The following DRC5 variants were observed in gnomAD, a reference collection of about 807,000 sequenced individuals.
The protein encoded by DRC5 is T-complex-associated testis-expressed protein 1.
chr6:44,289,008 A>AAG, the DRC5 span, among the ~76,000 whole-genome samples: 5 of 143,418 alleles, frequency 3.5e-5, no homozygotes, highest in East Asian at 8.0e-4. Context: ...AAAAAAAAAA[A>AAG]AAAAAAAAAA....
the DRC5 span, among the ~76,000 whole-genome samples, chr6:44,292,458 C>T: frequency 6.6e-6 from 1 of 152,200 alleles, no homozygotes; most frequent in African/African-American, 2.4e-5. Flanking sequence ...CCTGACTGCC[C>T]ACCCGTTCCC....
At chr6:44,280,442 G>T in the DRC5 span, 1 of 1,365,606 alleles carries the variant, frequency 7.3e-7, no homozygotes, top group South Asian at 1.2e-5. Context: ...CCCAGGATCT[G>T]ACACACATAC....
the DRC5 span, chr6:44,282,255 T>C: frequency 1.2e-6 from 2 of 1,614,162 alleles, no homozygotes; most frequent in Non-Finnish European, 1.7e-6. Flanking sequence ...CTGCAAGGCA[T>C]GGGCAAGAGC....
chr6:44,296,767 C>T, the DRC5 span, among the ~76,000 whole-genome samples: 2 of 152,248 alleles, frequency 1.3e-5, no homozygotes. Context: ...CAGCCGCTCC[C>T]ACCCCAGATC....
chr6:44,281,532 A>C, the DRC5 span, among the ~76,000 whole-genome samples: 1 of 152,156 alleles, frequency 6.6e-6, no homozygotes, highest in Non-Finnish European at 1.5e-5. Flanking sequence ...TTACAGGTGC[A>C]TGCCACCACA....
At chr6:44,288,496 G>GT in the DRC5 span, among the ~76,000 whole-genome samples, 1 of 151,888 alleles carries the variant, frequency 6.6e-6, no homozygotes, top group Admixed American at 6.6e-5. Context: ...GAGGGTGAGG[G>GT]GTGTATATTG....
chr6:44,289,974 G>A, the DRC5 span, among the ~76,000 whole-genome samples: 6 of 152,188 alleles, frequency 3.9e-5, no homozygotes, highest in Non-Finnish European at 8.8e-5. Flanking sequence ...GGGACCAGAT[G>A]GTGCTTCCCA....
chr6:44,293,695 G>A, the DRC5 span, among the ~76,000 whole-genome samples: 37 of 152,154 alleles, frequency 2.4e-4, no homozygotes, highest in African/African-American at 8.7e-4. Flanking sequence ...CACTAGGCAA[G>A]AAGAAAGCAT....
At chr6:44,287,707 G>C in the DRC5 span, 1 of 1,614,236 alleles carries the variant, frequency 6.2e-7, no homozygotes, top group African/African-American at 1.3e-5. Context: ...TGTGATTGAA[G>C]GCTTTGAGAG....
chr6:44,278,804 AAAATT>A, the DRC5 span: 1 of 152,180 alleles, frequency 6.6e-6, no homozygotes, highest in Non-Finnish European at 1.5e-5. Flanking sequence ...ATTAATCTCT[AAAATT>A]AAACTTTACA....
the DRC5 span, chr6:44,287,211 G>C: frequency 2.0e-6 from 2 of 985,308 alleles, no homozygotes; most frequent in South Asian, 9.4e-5. Context: ...GACTCCATCA[G>C]AGTAGAGGGC....
the DRC5 span, among the ~76,000 whole-genome samples, chr6:44,294,573 C>A: frequency 6.6e-6 from 1 of 151,094 alleles, no homozygotes; most frequent in South Asian, 2.1e-4. Flanking sequence ...GGTGAAACCC[C>A]GTCTCTACTA....
the DRC5 span, among the ~76,000 whole-genome samples, chr6:44,283,662 GC>G: frequency 6.6e-6 from 1 of 152,186 alleles, no homozygotes; most frequent in Non-Finnish European, 1.5e-5. Flanking sequence ...TTTTCTGCAT[GC>G]CTGTGCGCAA....
At chr6:44,281,218 A>T in the DRC5 span, among the ~76,000 whole-genome samples, 1 of 152,132 alleles carries the variant, frequency 6.6e-6, no homozygotes, top group South Asian at 2.1e-4. Flanking sequence ...TCACGTTGGG[A>T]GGCAGAATGC....
chr6:44,286,542 C>T, the DRC5 span: 4 of 1,604,142 alleles, frequency 2.5e-6, no homozygotes, highest in Non-Finnish European at 3.4e-6. Context: ...TCTTTGGGAA[C>T]AGAGGAAGGA....
At chr6:44,293,221 G>A in the DRC5 span, among the ~76,000 whole-genome samples, 1 of 150,986 alleles carries the variant, frequency 6.6e-6, no homozygotes, top group African/African-American at 2.4e-5. Flanking sequence ...CATCTCTCCA[G>A]GGCTGGGACA....
chr6:44,292,061 C>T, the DRC5 span, among the ~76,000 whole-genome samples: 1 of 152,208 alleles, frequency 6.6e-6, no homozygotes, highest in Non-Finnish European at 1.5e-5. Context: ...CAGTCTGGTT[C>T]TCTCACATCT....
At chr6:44,296,196 T>A in the DRC5 span, among the ~76,000 whole-genome samples, 1 of 152,236 alleles carries the variant, frequency 6.6e-6, no homozygotes, top group African/African-American at 2.4e-5. Context: ...GGGTTGCTTA[T>A]AAATTGCTCC....
At chr6:44,286,676 G>A in the DRC5 span, 1 of 705,390 alleles carries the variant, frequency 1.4e-6, no homozygotes, top group Non-Finnish European at 2.4e-6. Flanking sequence ...TGCTCTCAGG[G>A]GGGCTCAAGC....
Sources: allele counts gnomAD v4.1 joint callset (sites outside exome capture counted in the v4.1 genomes callset), GRCh38; gene constraint gnomAD v4.1.1; transcripts MANE v1.5; gene names NCBI Gene and HGNC (gene_info 2026-07-23, HGNC 2026-07-21).